RAB27A: variants seen among roughly 807,000 people sequenced by gnomAD.
RAB27A encodes RAB27A, member RAS oncogene family.
In RAB27A, 17 loss-of-function variants were observed where a neutral mutation model predicts 20.8. The ratio of observed to expected loss-of-function variants is 0.82; its 90% CI spans 0.56 to 1.23. The LOEUF (loss-of-function observed/expected upper bound fraction) is 1.23. RAB27A is among the 50% of genes most tolerant of loss of function. RAB27A has a pLI of 0.00. For synonymous variants in RAB27A, 85 were observed against 92.8 expected, an observed-to-expected ratio of 0.92 and a Z score of 0.48; for missense variants, 277 against 266.7, an observed-to-expected ratio of 1.04 and a Z score of -0.27.
rs755869278 is a variant in RAB27A, at chr15:55,230,512, A to G, written c.154-26T>C. ...CTAAAACAGCAAAGTGAAAGAGAAA[A>G]CAAAAGAGAACTTCTAACACCAGCG... On this transcript the variant is annotated intron_variant, in intron 3 of 6. Transcript: ENST00000336787. 5.7e-6 allele frequency: 9 copies of G among 1,572,776 alleles called. No homozygotes were observed. In the East Asian group the frequency reaches 2.0e-4, roughly 35 times the overall value.
chr15:55,237,710 C>A (rs1003388644), intron 2 of RAB27A, among the ~76,000 whole-genome samples: 1 of 152,052 alleles, frequency 6.6e-6, no homozygotes, highest in African/African-American at 2.4e-5. Flanking sequence ...TGAGGGCTTC[C>A]CCTCAAACTG....
At chr15:55,262,637 T>G (rs1259094784) in intron 2 of RAB27A, among the ~76,000 whole-genome samples, 1 of 102,900 alleles carries the variant, frequency 9.7e-6, no homozygotes, top group African/African-American at 5.6e-5. Context: ...TTTTCTTTTT[T>G]TTTGTTTTTT....
At chr15:55,235,063 AT>A in intron 2 of RAB27A, 107 bp from the exon 3 acceptor site, 4 of 891,452 alleles carry the variant, frequency 4.5e-6, no homozygotes, top group Non-Finnish European at 7.0e-6. Flanking sequence ...GTTAACCTGT[AT>A]GTCTACGGGT....
chr15:55,311,012 C>T (rs747696691), intron 2 of RAB27A, among the ~76,000 whole-genome samples: 7 of 152,286 alleles, frequency 4.6e-5, no homozygotes, highest in Non-Finnish European at 8.8e-5. Context: ...CAAATGTCTG[C>T]GGCACCAATC....
Position 55,251,332 on chromosome 15 carries a change from C to T in RAB27A, c.-22-16376G>A, listed in dbSNP as rs16976229. On this transcript the variant is annotated intron_variant, in intron 2 of 6. Transcript: ENST00000336787. ...AGAGTCTTGAGAACAACCATCATTG[C>T]GTCATTCCTGGGGAAAGGGTCCTGG... is the stretch of plus-strand genomic sequence containing the variant. Among the ~76,000 whole-genome samples, 12 of 152,136 alleles carry T rather than the reference C, an allele frequency of 7.9e-5. No individual in the cohort carries two copies. The South Asian group carries it at 1.7e-3, about 21-fold the overall frequency.
chr15:55,298,359 G>A (rs910638668), intron 2 of RAB27A, among the ~76,000 whole-genome samples: 2 of 152,102 alleles, frequency 1.3e-5, no homozygotes, highest in Non-Finnish European at 2.9e-5. Context: ...GGGCGACCGG[G>A]GGAGACATCA....
At chr15:55,279,897 T>C (rs572434934) in intron 1 of RAB27A, among the ~76,000 whole-genome samples, 3 of 152,248 alleles carry the variant, frequency 2.0e-5, no homozygotes, top group Admixed American at 1.3e-4. Context: ...AGTCATGAAA[T>C]GTACTTGTAG....
At chr15:55,298,104 C>G (rs2054956990) in intron 2 of RAB27A, among the ~76,000 whole-genome samples, 5 of 151,332 alleles carry the variant, frequency 3.3e-5, no homozygotes, top group African/African-American at 7.3e-5. Flanking sequence ...ACTTGAGAGG[C>G]TGAGGCAGGA....
At position 55,209,711 on chromosome 15, in the gene RAB27A, C is replaced by T. The variant is rs141148221; in HGVS notation, c.468-4006G>A. On this transcript the variant is annotated intron_variant, in intron 6 of 6. Coordinates refer to ENST00000336787, the MANE Select transcript of RAB27A (RefSeq NM_183235.3). ...AACTTACATAAAACTTTTAAGAAAA[C>T]TTCCACTAATATATATACACATATA... 7.6e-3 allele frequency among the ~76,000 whole-genome samples: 1,129 copies of T among 149,208 alleles called. 12 individuals carry two copies. The highest frequency in any genetic ancestry group is 0.026 in the South Asian group (121 of 4,736).
upstream of RAB27A, among the ~76,000 whole-genome samples, chr15:55,294,799 C>A (rs898888046): frequency 6.6e-6 from 1 of 151,948 alleles, no homozygotes; most frequent in Non-Finnish European, 1.5e-5. Flanking sequence ...AGATTTGACA[C>A]CAAAAGCACA....
intron 1 of RAB27A, among the ~76,000 whole-genome samples, chr15:55,315,280 A>T (rs567243487): frequency 6.6e-6 from 1 of 152,384 alleles, no homozygotes; most frequent in Admixed American, 6.5e-5. Context: ...CTAATAACTT[A>T]AATGGAAAAC....
chr15:55,234,390 T>C (rs1336908119), intron 3 of RAB27A, among the ~76,000 whole-genome samples: 1 of 152,120 alleles, frequency 6.6e-6, no homozygotes, highest in African/African-American at 2.4e-5. Flanking sequence ...TGAGACTTTA[T>C]TAGGAGAAAT....
At chr15:55,237,506 C>T (rs918843872) in intron 2 of RAB27A, 2 of 152,136 alleles carry the variant, frequency 1.3e-5, no homozygotes, top group African/African-American at 4.8e-5. Flanking sequence ...TGATGCCTTA[C>T]CTGTCTTTAT....
chr15:55,315,907 A>G (rs2055041234), intron 1 of RAB27A, among the ~76,000 whole-genome samples: 1 of 152,226 alleles, frequency 6.6e-6, no homozygotes, highest in South Asian at 2.1e-4. Context: ...TACTGGGTAT[A>G]TACCCAAAGG....
At chr15:55,276,476 G>A (rs999105818) in intron 1 of RAB27A, among the ~76,000 whole-genome samples, 1 of 152,130 alleles carries the variant, frequency 6.6e-6, no homozygotes, top group Non-Finnish European at 1.5e-5. Context: ...AGGCTGAGGC[G>A]CGACAATTGC....
chr15:55,220,001 G>C (rs926433729), intron 6 of RAB27A, among the ~76,000 whole-genome samples: 1 of 151,804 alleles, frequency 6.6e-6, no homozygotes, highest in Admixed American at 6.6e-5. Context: ...AGACTCTTAG[G>C]CCACTACAAA....
intron 2 of RAB27A, among the ~76,000 whole-genome samples, chr15:55,311,848 G>A (rs1397458339): frequency 6.6e-6 from 1 of 152,070 alleles, no homozygotes; most frequent in Admixed American, 6.6e-5. Context: ...GTTTCCCATT[G>A]CTTTGGAGAT....
At chr15:55,260,029 G>A (rs1897218957) in intron 2 of RAB27A, 1 of 152,144 alleles carries the variant, frequency 6.6e-6, no homozygotes, top group Non-Finnish European at 1.5e-5. Flanking sequence ...TAAATCTATA[G>A]ATCAAATTAA....
At chr15:55,265,702 G>A (rs569089176) in intron 2 of RAB27A, among the ~76,000 whole-genome samples, 4 of 152,144 alleles carry the variant, frequency 2.6e-5, no homozygotes, top group South Asian at 4.1e-4. Flanking sequence ...TGACTGATGC[G>A]GGCAGGTAAG....
Sources: gnomAD v4.1 joint callset for allele counts (sites outside exome capture counted in the v4.1 genomes callset) on GRCh38, gnomAD v4.1.1 for gene constraint, MANE v1.5 for transcripts, NCBI Gene and HGNC (gene_info 2026-07-23, HGNC 2026-07-21) for gene names.